Variants in WDHD1 observed in about 807,000 individuals in gnomAD.
The protein encoded by WDHD1 is WD repeat and HMG-box DNA binding protein 1.
Under a neutral mutation model 135.4 loss-of-function variants are expected in WDHD1, and 111 were observed. The observed-to-expected ratio is 0.82, with a 90% CI of 0.70 to 0.96. The LOEUF (loss-of-function observed/expected upper bound fraction) is 0.96. WDHD1 is among the 40% of genes least tolerant of loss of function. The pLI, the probability that WDHD1 is intolerant of heterozygous loss-of-function variation, is 0.00. For synonymous variants in WDHD1, 434 were observed against 439.0 expected, an observed-to-expected ratio of 0.99 and a Z score of 0.14; for missense variants, 1,351 against 1,336.3, an observed-to-expected ratio of 1.01 and a Z score of -0.17.
intron 2 of WDHD1, among the ~76,000 whole-genome samples, chr14:55,019,785 C>T (rs1376299497): frequency 6.6e-6 from 1 of 152,184 alleles, no homozygotes; most frequent in Non-Finnish European, 1.5e-5. Context: ...GAGAGAATCA[C>T]TTGAACCCAG....
rs1025116055 is a variant in WDHD1, at chr14:55,021,911, T to C, written c.77+4800A>G. Among the ~76,000 whole-genome samples the C allele has an allele frequency of 3.9e-5, 6 of 152,216 alleles. No individual in the cohort carries two copies. The South Asian group carries it at 6.2e-4, about 16-fold the overall frequency. On this transcript the variant is annotated intron_variant, in intron 2 of 25. Coordinates refer to ENST00000360586, the MANE Select transcript of WDHD1 (RefSeq NM_007086.4). ...ATAACAATGATGGCATCTTCAATGG[T>C]ATAATCCTTCCAGACTTTTAGGATG... is the stretch of plus-strand genomic sequence containing the variant.
intron 24 of WDHD1, among the ~76,000 whole-genome samples, chr14:54,949,693 A>T (rs994614558): frequency 6.6e-6 from 1 of 152,220 alleles, no homozygotes; most frequent in Admixed American, 6.5e-5. Flanking sequence ...TCCAAGACAC[A>T]TAATTGTCAG....
At chr14:54,955,793 G>T in intron 23 of WDHD1, 99 bp from the exon 24 acceptor site, 1 of 1,088,546 alleles carries the variant, frequency 9.2e-7, no homozygotes, top group East Asian at 3.4e-5. Flanking sequence ...TATAATTATT[G>T]AGAATTCTTA....
At chr14:55,022,824 CTTTTTTTTTT>C (rs869133747) in intron 2 of WDHD1, among the ~76,000 whole-genome samples, 1 of 136,730 alleles carries the variant, frequency 7.3e-6, no homozygotes, top group Non-Finnish European at 1.6e-5. Context: ...CTTTCTCTTT[CTTTTTTTTTT>C]TTTTTTTGAG....
intron 11 of WDHD1, among the ~76,000 whole-genome samples, chr14:54,994,692 C>T (rs980443877): frequency 6.7e-6 from 1 of 150,000 alleles, no homozygotes; most frequent in Non-Finnish European, 1.5e-5. Context: ...ATCCAGGAGG[C>T]GGAGGTTGCA....
intron 16 of WDHD1, among the ~76,000 whole-genome samples, chr14:54,977,756 A>T (rs1290442542): frequency 6.6e-6 from 1 of 152,208 alleles, no homozygotes; most frequent in Non-Finnish European, 1.5e-5. Flanking sequence ...TTCTAAGTGT[A>T]AAAGCTGTAA....
intron 7 of WDHD1, among the ~76,000 whole-genome samples, chr14:55,003,977 T>C (rs1450933989): frequency 1.3e-5 from 2 of 152,242 alleles, no homozygotes; most frequent in Non-Finnish European, 2.9e-5. Context: ...AGCTCTGTTT[T>C]ATTGTTTCAA....
intron 24 of WDHD1, among the ~76,000 whole-genome samples, chr14:54,949,627 A>G (rs1297996908): frequency 6.6e-6 from 1 of 152,210 alleles, no homozygotes; most frequent in Non-Finnish European, 1.5e-5. Context: ...GCAGGCCAAC[A>G]TTCAAATTCA....
At chr14:54,960,846 C>A (rs2041240312) in intron 21 of WDHD1, among the ~76,000 whole-genome samples, 1 of 152,172 alleles carries the variant, frequency 6.6e-6, no homozygotes, top group Non-Finnish European at 1.5e-5. Context: ...GTCACCCAGG[C>A]TGGAGTGCAG....
intron 24 of WDHD1, among the ~76,000 whole-genome samples, chr14:54,953,047 T>C (rs1292746315): frequency 2.0e-5 from 3 of 152,186 alleles, no homozygotes; most frequent in African/African-American, 7.2e-5. Context: ...GGCAATACCA[T>C]TCAGGATATA....
intron 21 of WDHD1, among the ~76,000 whole-genome samples, chr14:54,961,905 C>T (rs1194473185): frequency 6.6e-6 from 1 of 151,396 alleles, no homozygotes; most frequent in East Asian, 1.9e-4. Flanking sequence ...GGCACGATCT[C>T]GGCTCACTGC....
chr14:55,015,336 G>C (rs756438770), intron 2 of WDHD1, among the ~76,000 whole-genome samples: 1 of 125,400 alleles, frequency 8.0e-6, no homozygotes, highest in Non-Finnish European at 1.6e-5. Context: ...GCAGTGAGCC[G>C]AGATCGCACT....
chr14:55,012,972 AG>A (rs2042195464), intron 3 of WDHD1, among the ~76,000 whole-genome samples: 1 of 152,200 alleles, frequency 6.6e-6, no homozygotes, highest in Non-Finnish European at 1.5e-5. Flanking sequence ...AAAGGAAAAA[AG>A]GGAACATTTA....
chr14:54,981,134 G>T (rs1182283683), intron 16 of WDHD1, among the ~76,000 whole-genome samples: 3 of 152,012 alleles, frequency 2.0e-5, no homozygotes, highest in African/African-American at 7.3e-5. Flanking sequence ...CTCCTATTAC[G>T]ATAATTAAGC....
At chr14:55,011,637 T>G in intron 3 of WDHD1, among the ~76,000 whole-genome samples, 1 of 150,530 alleles carries the variant, frequency 6.6e-6, no homozygotes, top group East Asian at 1.9e-4. Flanking sequence ...TTTGTTATAT[T>G]CGTGTGTGTG....
chr14:54,989,988 T>C (rs1413164678), intron 12 of WDHD1, among the ~76,000 whole-genome samples: 1 of 152,146 alleles, frequency 6.6e-6, no homozygotes, highest in African/African-American at 2.4e-5. Flanking sequence ...TGATACCACT[T>C]GGAAAACTTA....
chr14:55,002,637 GCT>G (rs1055716659), intron 7 of WDHD1, among the ~76,000 whole-genome samples: 71 of 152,082 alleles, frequency 4.7e-4, no homozygotes, highest in African/African-American at 1.7e-3. Context: ...AGACAGTCTT[GCT>G]CTGTCACCCA....
intron 18 of WDHD1, among the ~76,000 whole-genome samples, chr14:54,963,786 C>G (rs144374145): frequency 8.0e-6 from 1 of 125,612 alleles, no homozygotes; most frequent in African/African-American, 3.1e-5. Context: ...GGCGAGAAAG[C>G]GAGACTCTGT....
intron 2 of WDHD1, 26 bp from the exon 3 acceptor site, chr14:55,013,622 G>T: frequency 6.3e-7 from 1 of 1,575,364 alleles, no homozygotes; most frequent in Non-Finnish European, 8.7e-7. Context: ...ACAAATTAAA[G>T]TCATCGGGCA....
Sources: allele counts gnomAD v4.1 joint callset (sites outside exome capture counted in the v4.1 genomes callset), GRCh38; gene constraint gnomAD v4.1.1; transcripts MANE v1.5; gene names NCBI Gene and HGNC (gene_info 2026-07-23, HGNC 2026-07-21).